Variants in NKX2-1 observed in about 807,000 individuals in gnomAD.
NKX2-1 encodes the protein NK2 homeobox 1.
Under a neutral mutation model 35.1 loss-of-function variants are expected in NKX2-1, and 9 were observed. The ratio of observed to expected loss-of-function variants is 0.26; its 90% CI spans 0.15 to 0.45. The LOEUF (loss-of-function observed/expected upper bound fraction) is 0.45. Ranked by LOEUF, NKX2-1 falls within the 20% of genes least tolerant of loss-of-function variation. The pLI is 1.00. For missense variants in NKX2-1, 509 were observed against 589.1 expected (o/e 0.86, Z 1.41); for synonymous variants, 284 against 269.9 (o/e 1.05, Z -0.51).
In NKX2-1 at chr14:36,516,818, A is replaced by C. The variant is rs1301048574; in HGVS notation, c.*460T>G. The C allele has an allele frequency of 1.5e-4, 8 of 52,950 alleles. No homozygotes were observed. Among genetic ancestry groups the C allele is most frequent in the Non-Finnish European group, 2.5e-4 (6 of 24,274 alleles). The allele number at this position is 52,950 out of a possible 1,614,324, so 3.3% of individuals were successfully genotyped here. ...TCTCCCCAGCTCCCGTCCTCCCTTC[A>C]AAAAAAAAAAAAAATCCTGGTATTT... is the stretch of plus-strand genomic sequence containing the variant. On this transcript the variant is annotated 3_prime_UTR_variant, in exon 3 of 3. Coordinates refer to ENST00000354822, the MANE Select transcript of NKX2-1 (RefSeq NM_001079668.3).
rs1484919426 is a variant in NKX2-1, at chr14:36,519,115, G to C, written c.333C>G (p.Ser111=). 2.5e-6 allele frequency: 4 copies of C among 1,605,362 alleles called. No homozygotes were observed. Among genetic ancestry groups the C allele is most frequent in the African/African-American group, 2.7e-5 (2 of 74,842 alleles). The change falls in exon 2 of 3, where the codon TCC becomes TCG. Residue 111 remains serine, a synonymous_variant. Transcript: ENST00000354822. ...TGCCGTTGCAGTAGCCCCCCACGGCGGAGTGCGAGAGCTGGGGCACCCCCG... is the reference window on the plus strand; with the variant it reads ...TGCCGTTGCAGTAGCCCCCCACGGCCGAGTGCGAGAGCTGGGGCACCCCCG... The part of the protein sequence containing the change: ...TAAGVPQLSH[S]AVGGYCNGNL...
In NKX2-1 at chr14:36,519,156, A is replaced by G; in HGVS notation, c.292T>C (p.Tyr98His). The G allele has an allele frequency of 6.2e-7, 1 of 1,606,876 alleles. No homozygotes were observed. The highest frequency in any genetic ancestry group is 1.1e-5 in the South Asian group (1 of 90,524). The stretch of plus-strand genomic sequence containing the variant: ...GGCACCCCCGCCGCCGTCATGTGGT[A>G]GGCGGCGGTGACGGCGCCGTGGTGC... ...VGHHGAVTAA[Y>H]HMTAAGVPQL... The change falls in exon 2 of 3, where the codon TAC becomes CAC. Residue 98 changes from tyrosine (Y) to histidine (H), a missense_variant. This residue lies in a region of NKX2-1 where 271 missense variants were observed against 284.1 expected (regional missense o/e 0.95). Coordinates refer to ENST00000354822, the MANE Select transcript of NKX2-1 (RefSeq NM_001079668.3).
Position 36,517,604 on chromosome 14 carries a change from C to G in NKX2-1, c.880G>C (p.Val294Leu). ...GCCTGGCACGGTTTGCCGTCTTTCA[C>G]CAGGACCGGCACCGCCACGCGTCGC... is the stretch of plus-strand genomic sequence containing the variant. ...SPRRVAVPVLVKDGKPCQAGA... is the reference protein window; with the variant it reads ...SPRRVAVPVLLKDGKPCQAGA... Residue 294 changes from valine (V) to leucine (L), a missense_variant, in exon 3 of 3, where the codon GTG (valine) becomes CTG (leucine). Val to Leu is a conservative substitution (Grantham distance 32). Coordinates refer to ENST00000354822, the MANE Select transcript of NKX2-1 (RefSeq NM_001079668.3). 1 of 1,530,294 alleles carries G rather than the reference C, an allele frequency of 6.5e-7. No homozygotes were observed. The highest frequency in any genetic ancestry group is 8.8e-7 in the Non-Finnish European group (1 of 1,142,316). 94.8% of individuals were successfully genotyped at this position (1,530,294 alleles called of 1,614,324 possible). A position where few individuals can be genotyped will look rare whatever the true frequency, so the allele number is the denominator to read the frequency against.
chr14:36,519,903 A>C, intron 1 of NKX2-1, 150 bp downstream of exon 1: 2 of 1,260,680 alleles, frequency 1.6e-6, no homozygotes, highest in South Asian at 1.4e-5. Flanking sequence ...ACAGAGGAGG[A>C]GAGATGGTTG....
In NKX2-1 at chr14:36,520,153, A is replaced by T. The variant is rs918077408; in HGVS notation, c.-24T>A. 1 of 1,612,052 alleles carries T rather than the reference A, an allele frequency of 6.2e-7. No homozygotes were observed. Among genetic ancestry groups the T allele is most frequent in the Non-Finnish European group, 8.5e-7 (1 of 1,179,660 alleles). On this transcript the variant is annotated 5_prime_UTR_variant, in exon 1 of 3. Transcript: ENST00000354822. ...ATCGGGCTTCGCTGCGCTGAGCCCC[A>T]GTCGCCAACAAATGAGCGAGCGAGT... is the stretch of plus-strand genomic sequence containing the variant.
At chr14:36,518,375 G>T (rs2139409479) in intron 2 of NKX2-1, among the ~76,000 whole-genome samples, 1 of 152,332 alleles carries the variant, frequency 6.6e-6, no homozygotes, top group South Asian at 2.1e-4. Context: ...GGCGAACTGG[G>T]CTCAGGCCGG....
In NKX2-1 at chr14:36,516,721, G is replaced by C. The variant is rs570771635; in HGVS notation, c.*557C>G. ...AGGGCGGTCGCCGCTGAGCCTAGGCGGCCAGAGGGTGCCGGGGAGGGGGCA... is the reference window on the plus strand; with the variant it reads ...AGGGCGGTCGCCGCTGAGCCTAGGCCGCCAGAGGGTGCCGGGGAGGGGGCA... On this transcript the variant is annotated 3_prime_UTR_variant, in exon 3 of 3. Coordinates refer to ENST00000354822, the MANE Select transcript of NKX2-1 (RefSeq NM_001079668.3). 1 of 233,374 alleles carries C rather than the reference G, an allele frequency of 4.3e-6. No individual in the cohort carries two copies. The highest frequency in any genetic ancestry group is 8.5e-6 in the Non-Finnish European group (1 of 117,972). 14.5% of individuals were successfully genotyped at this position (233,374 alleles called of 1,614,324 possible).
intron 2 of NKX2-1, among the ~76,000 whole-genome samples, chr14:36,518,534 C>T (rs1015772711): frequency 6.6e-6 from 1 of 152,166 alleles, no homozygotes; most frequent in African/African-American, 2.4e-5. Context: ...TTAGAGTCCC[C>T]TCTGGAACTG....
intron 1 of NKX2-1, 97 bp downstream of exon 1, chr14:36,519,956 G>A: frequency 6.4e-7 from 1 of 1,564,134 alleles, no homozygotes; most frequent in Non-Finnish European, 8.7e-7. Flanking sequence ...AACTTGCGGA[G>A]TTACAAAGTG....
intron 2 of NKX2-1, among the ~76,000 whole-genome samples, chr14:36,518,784 C>A (rs1372349504): frequency 1.3e-5 from 2 of 152,210 alleles, no homozygotes; most frequent in East Asian, 1.9e-4. Context: ...AGGACCCCAG[C>A]GCTACCAAGT....
chr14:36,517,449 T>A lies in NKX2-1; in HGVS notation c.1035A>T (p.Ala345=). 2 of 1,486,360 alleles carry A rather than the reference T, an allele frequency of 1.3e-6. No individual in the cohort carries two copies. The allele number at this position is 1,486,360 out of a possible 1,614,324, so 92.1% of individuals were successfully genotyped here. The change falls in exon 3 of 3, where the codon GCA becomes GCT. Residue 345 remains alanine, a synonymous_variant. Coordinates refer to ENST00000354822, the MANE Select transcript of NKX2-1 (RefSeq NM_001079668.3). ...SVGSGGAGLG[A]HPGHQPGSAG... ...CGCTGCCTGGCTGGTGGCCCGGGTGTGCGCCAAGGCCGGCGCCACCGCTGC... is the reference window on the plus strand; with the variant it reads ...CGCTGCCTGGCTGGTGGCCCGGGTGAGCGCCAAGGCCGGCGCCACCGCTGC...
At chr14:36,519,864 G>T (rs1361396506) in intron 1 of NKX2-1, among the ~76,000 whole-genome samples, 189 bp downstream of exon 1, 4 of 152,154 alleles carry the variant, frequency 2.6e-5, no homozygotes, top group Non-Finnish European at 5.9e-5. Flanking sequence ...ACCGAGAGCG[G>T]GGAGGGCAGG....
chr14:36,519,577 A>T, intron 1 of NKX2-1: 1 of 1,534,016 alleles, frequency 6.5e-7, no homozygotes, highest in Non-Finnish European at 8.7e-7. Context: ...GCCCGGCGCC[A>T]GGTTTTAGGC....
Position 36,517,034 on chromosome 14 carries a change from G to T in NKX2-1, c.*244C>A. 1.4e-6 allele frequency: 1 copy of T among 720,054 alleles called. No individual in the cohort carries two copies. Among genetic ancestry groups the T allele is most frequent in the Non-Finnish European group, 2.2e-6 (1 of 463,430 alleles). 44.6% of individuals were successfully genotyped at this position (720,054 alleles called of 1,614,324 possible). On this transcript the variant is annotated 3_prime_UTR_variant, in exon 3 of 3. Coordinates refer to ENST00000354822, the MANE Select transcript of NKX2-1 (RefSeq NM_001079668.3). ...CTCTGCTTAAAGATTCCTTGAGATT[G>T]GATGCGCTTGGTTGTTTTTCATTTT...
rs2139407583 is a variant in NKX2-1 at position 36,517,851 on chromosome 14, C to T, written c.633G>A (p.Lys211=). The stretch of plus-strand genomic sequence containing the variant: ...CCGGCGCCGACAGGTACTTCTGTTG[C>T]TTGAAGCGTCGCTCCAGCTCGTACA... ...AQVYELERRF[K]QQKYLSAPER... The change falls in exon 3 of 3, where the codon AAG becomes AAA. Residue 211 remains lysine (K), a synonymous_variant. Transcript: ENST00000354822. 2 of 1,612,440 alleles carry T rather than the reference C, an allele frequency of 1.2e-6. No individual in the cohort carries two copies. The highest frequency in any genetic ancestry group is 1.1e-5 in the South Asian group (1 of 90,772).
In NKX2-1 at chr14:36,520,175, G is replaced by A. The variant is rs1210330284; in HGVS notation, c.-46C>T. On this transcript the variant is annotated 5_prime_UTR_variant, in exon 1 of 3. Transcript: ENST00000354822. ...CCCAGTCGCCAACAAATGAGCGAGC[G>A]AGTCTGGGGACGAACCCTGGGGCCG... The A allele has an allele frequency of 2.5e-6, 4 of 1,606,924 alleles. No individual in the cohort carries two copies. The highest frequency in any genetic ancestry group is 3.4e-6 in the Non-Finnish European group (4 of 1,177,756).
rs2139405319 is a variant in NKX2-1 at position 36,517,320 on chromosome 14, G to A, written c.1164C>T (p.Gly388=). 1 of 1,611,914 alleles carries A rather than the reference G, an allele frequency of 6.2e-7. No homozygotes were observed. Among genetic ancestry groups the A allele is most frequent in the Non-Finnish European group, 8.5e-7 (1 of 1,179,688 alleles). ...SHLNSSGSDY[G]TMSCSTLLYG... Reference sequence around the variant, plus strand: ...ATAGCAAGGTGGAGCAGGACATGGTGCCGTAGTCCGAGCCCGAGGAGTTCA... The same window carrying A: ...ATAGCAAGGTGGAGCAGGACATGGTACCGTAGTCCGAGCCCGAGGAGTTCA... Residue 388 remains glycine, a synonymous_variant, in exon 3 of 3, where the codon GGC becomes GGT. Coordinates refer to ENST00000354822, the MANE Select transcript of NKX2-1 (RefSeq NM_001079668.3).
At chr14:36,519,863 G>C (rs1176009968) in intron 1 of NKX2-1, among the ~76,000 whole-genome samples, 190 bp downstream of exon 1, 1 of 152,166 alleles carries the variant, frequency 6.6e-6, no homozygotes, top group South Asian at 2.1e-4. Flanking sequence ...AACCGAGAGC[G>C]GGGAGGGCAG....
chr14:36,517,129 T>C lies in NKX2-1; in HGVS notation c.*149A>G. The C allele has an allele frequency of 7.3e-7, 1 of 1,369,138 alleles. No homozygotes were observed. Among genetic ancestry groups the C allele is most frequent in the Non-Finnish European group, 9.6e-7 (1 of 1,040,822 alleles). 84.8% of individuals were successfully genotyped at this position (1,369,138 alleles called of 1,614,324 possible). A position where few individuals can be genotyped will look rare whatever the true frequency, so the allele number is the denominator to read the frequency against. On this transcript the variant is annotated 3_prime_UTR_variant, in exon 3 of 3. Transcript: ENST00000354822. ...AAGAAAGACGTCCAGCAGTTTGGCC[T>C]TTGTGGTTTTTTTGTTCCTTGGTCT...
Sources: gnomAD v4.1 joint callset for allele counts (sites outside exome capture counted in the v4.1 genomes callset) on GRCh38, gnomAD v4.1.1 for gene constraint, gnomAD v4.1.1 regional missense constraint, MANE v1.5 for transcripts, NCBI Gene and HGNC (gene_info 2026-07-23, HGNC 2026-07-21) for gene names.